The following HCN1 variants were observed in gnomAD, a reference collection of about 807,000 sequenced individuals.
HCN1 encodes hyperpolarization activated cyclic nucleotide gated potassium channel 1.
In HCN1, 13 loss-of-function variants were observed where a neutral mutation model predicts 78.9. The observed-to-expected ratio is 0.16, with a 90% CI of 0.11 to 0.26. The LOEUF (loss-of-function observed/expected upper bound fraction) is 0.26, where lower values mean the gene tolerates loss of function less well. Ranked by LOEUF, HCN1 falls within the 10% of genes least tolerant of loss-of-function variation. HCN1 has a pLI of 1.00. For missense variants in HCN1, 810 were observed against 1,154.3 expected (o/e 0.70, Z 4.32); for synonymous variants, 552 against 455.5 (o/e 1.21, Z -2.70).
At chr5:45,567,402 T>C (rs1439788569) in intron 2 of HCN1, among the ~76,000 whole-genome samples, 4 of 152,046 alleles carry the variant, frequency 2.6e-5, no homozygotes, top group Non-Finnish European at 5.9e-5. Flanking sequence ...CAGTGAGGAA[T>C]ATCCATAAAA....
chr5:45,666,424 G>A (rs565083419), intron 1 of HCN1, among the ~76,000 whole-genome samples: 125 of 151,922 alleles, frequency 8.2e-4, no homozygotes, highest in Non-Finnish European at 1.5e-3. Context: ...TCTATATTAG[G>A]CAACAACCGT....
intron 5 of HCN1, among the ~76,000 whole-genome samples, chr5:45,312,728 C>G (rs190586527): frequency 6.6e-6 from 1 of 152,338 alleles, no homozygotes; most frequent in East Asian, 1.9e-4. Context: ...TATCCCGCAC[C>G]TGGCTCAGGG....
At chr5:45,442,272 A>T (rs922393396) in intron 3 of HCN1, among the ~76,000 whole-genome samples, 2 of 152,050 alleles carry the variant, frequency 1.3e-5, no homozygotes, top group African/African-American at 4.8e-5. Flanking sequence ...CCTTTTGTAA[A>T]TGGAGGAGAA....
At chr5:45,569,840 C>A (rs1452904773) in intron 2 of HCN1, among the ~76,000 whole-genome samples, 1 of 151,974 alleles carries the variant, frequency 6.6e-6, no homozygotes, top group Non-Finnish European at 1.5e-5. Context: ...TCATCATCAT[C>A]CTTATCCTCA....
intron 2 of HCN1, among the ~76,000 whole-genome samples, chr5:45,640,217 A>G (rs920130304): frequency 6.6e-6 from 1 of 152,182 alleles, no homozygotes; most frequent in Admixed American, 6.6e-5. Context: ...CTCCACATAC[A>G]GATTACTCAG....
chr5:45,370,632 CAA>C (rs903545647), intron 4 of HCN1, among the ~76,000 whole-genome samples: 3 of 151,866 alleles, frequency 2.0e-5, no homozygotes, highest in African/African-American at 4.8e-5. Flanking sequence ...ACAATTCTCC[CAA>C]GAGATAAATA....
intron 2 of HCN1, among the ~76,000 whole-genome samples, chr5:45,573,647 G>T (rs570414713): frequency 6.6e-6 from 1 of 151,874 alleles, no homozygotes; most frequent in Non-Finnish European, 1.5e-5. Flanking sequence ...CTTGAAAATT[G>T]CTCCCCTAAT....
intron 2 of HCN1, among the ~76,000 whole-genome samples, chr5:45,583,160 T>A (rs1744122786): frequency 6.6e-6 from 1 of 152,134 alleles, no homozygotes; most frequent in Non-Finnish European, 1.5e-5. Context: ...GGTCCTGGAC[T>A]TTATTTGGTT....
intron 5 of HCN1, among the ~76,000 whole-genome samples, chr5:45,306,626 T>C (rs1159474868): frequency 6.6e-6 from 1 of 152,116 alleles, no homozygotes; most frequent in Admixed American, 6.6e-5. Flanking sequence ...TGAGGATGTC[T>C]AGTATAGTAG....
chr5:45,257,307 C>A lies in HCN1; in HGVS notation c.*4614G>T, dbSNP rs1744636137. 1.3e-5 allele frequency: 2 copies of A among 152,184 alleles called. No individual in the cohort carries two copies. Among genetic ancestry groups the A allele is most frequent in the Non-Finnish European group, 2.9e-5 (2 of 68,040 alleles). The allele number at this position is 152,184 out of a possible 1,614,324, so 9.4% of individuals were successfully genotyped here. A position where few individuals can be genotyped will look rare whatever the true frequency, so the allele number is the denominator to read the frequency against. ...GTTCCTCTTCACCCTGTGAGACACT[C>A]CAGCTGCATTGAACTGCCAGTGTTC... On this transcript the variant is annotated 3_prime_UTR_variant, in exon 8 of 8. Coordinates refer to ENST00000303230, the MANE Select transcript of HCN1 (RefSeq NM_021072.4).
At chr5:45,557,636 G>A (rs1428555949) in intron 2 of HCN1, among the ~76,000 whole-genome samples, 2 of 152,080 alleles carry the variant, frequency 1.3e-5, no homozygotes, top group African/African-American at 4.8e-5. Context: ...CTCCTTCATG[G>A]CTTTGTGTCA....
chr5:45,505,552 T>A (rs1316133799), intron 2 of HCN1, among the ~76,000 whole-genome samples: 2 of 152,194 alleles, frequency 1.3e-5, no homozygotes, highest in African/African-American at 4.8e-5. Context: ...TCCCGCTTTG[T>A]TCTTTTGGCT....
At position 45,324,665 on chromosome 5, in the gene HCN1, T is replaced by C. The variant is rs1407253868; in HGVS notation, c.1378-20826A>G. Among the ~76,000 whole-genome samples, 10 of 151,812 alleles carry C rather than the reference T, an allele frequency of 6.6e-5. No individual in the cohort carries two copies. In the East Asian group the frequency reaches 1.9e-3, roughly 30 times the overall value. ...ACAGACTAATAAAACATGGCTTGGT[T>C]TGACACTTGGAAAAATAAGATTTGA... is the stretch of plus-strand genomic sequence containing the variant. On this transcript the variant is annotated intron_variant, in intron 5 of 7. Coordinates refer to ENST00000303230, the MANE Select transcript of HCN1 (RefSeq NM_021072.4).
intron 2 of HCN1, among the ~76,000 whole-genome samples, chr5:45,519,664 C>A (rs1742577216): frequency 6.6e-6 from 1 of 151,912 alleles, no homozygotes; most frequent in Non-Finnish European, 1.5e-5. Context: ...GTCTTTCATT[C>A]CAAATAGCAT....
At chr5:45,603,288 T>C (rs1744661156) in intron 2 of HCN1, among the ~76,000 whole-genome samples, 1 of 152,062 alleles carries the variant, frequency 6.6e-6, no homozygotes, top group Non-Finnish European at 1.5e-5. Context: ...CTTTAAGATA[T>C]ATATGGATCG....
intron 2 of HCN1, among the ~76,000 whole-genome samples, chr5:45,494,667 C>A (rs1741983164): frequency 6.6e-6 from 1 of 151,872 alleles, no homozygotes; most frequent in South Asian, 2.1e-4. Flanking sequence ...GACATGAAGT[C>A]CTTGCCCATG....
intron 4 of HCN1, among the ~76,000 whole-genome samples, chr5:45,373,120 A>G (rs1234202578): frequency 7.6e-6 from 1 of 130,764 alleles, no homozygotes; most frequent in Non-Finnish European, 1.6e-5. Flanking sequence ...ATAGTATATC[A>G]TATATATAAA....
chr5:45,412,306 A>G (rs1374767324), intron 3 of HCN1, among the ~76,000 whole-genome samples: 1 of 152,024 alleles, frequency 6.6e-6, no homozygotes, highest in Non-Finnish European at 1.5e-5. Flanking sequence ...GCGTATATTG[A>G]GGTGTGGGTA....
intron 5 of HCN1, among the ~76,000 whole-genome samples, chr5:45,349,093 C>T (rs1162184072): frequency 1.3e-5 from 2 of 152,304 alleles, no homozygotes; most frequent in African/African-American, 4.8e-5. Flanking sequence ...CCACACCACA[C>T]CTCTTCCAAA....
Sources: allele counts gnomAD v4.1 joint callset (sites outside exome capture counted in the v4.1 genomes callset), GRCh38; gene constraint gnomAD v4.1.1; transcripts MANE v1.5; gene names NCBI Gene and HGNC (gene_info 2026-07-23, HGNC 2026-07-21).